Variants in PEX14 observed in about 807,000 individuals in gnomAD.
PEX14 encodes the protein peroxisomal biogenesis factor 14, also known as peroxisomal membrane protein PEX14.
Under a neutral mutation model 49.5 loss-of-function variants are expected in PEX14, and 15 were observed. The observed-to-expected ratio is 0.30, with a 90% CI of 0.20 to 0.47. The LOEUF (loss-of-function observed/expected upper bound fraction) is 0.47, where lower values mean the gene tolerates loss of function less well. PEX14 is among the 20% of genes least tolerant of loss of function. The probability of loss-of-function intolerance (pLI) is 1.00; values close to 1 mark genes in which losing one functional copy is unlikely to be tolerated. For synonymous variants in PEX14, 210 were observed against 212.7 expected, an observed-to-expected ratio of 0.99 and a Z score of 0.11; for missense variants, 398 against 494.8, an observed-to-expected ratio of 0.80 and a Z score of 1.86.
chr1:10,619,535 G>A (rs1641532053), intron 5 of PEX14, among the ~76,000 whole-genome samples: 3 of 151,922 alleles, frequency 2.0e-5, no homozygotes, highest in South Asian at 2.1e-4. Flanking sequence ...GGCCGGTCTC[G>A]AACTCCTGAC....
chr1:10,536,877 C>T (rs1218108426), intron 3 of PEX14, among the ~76,000 whole-genome samples: 1 of 152,150 alleles, frequency 6.6e-6, no homozygotes, highest in Non-Finnish European at 1.5e-5. Context: ...TGTTGGACTT[C>T]AGGGTATTTT....
At chr1:10,476,423 C>T (rs1291652356) in intron 1 of PEX14, among the ~76,000 whole-genome samples, 3 of 152,188 alleles carry the variant, frequency 2.0e-5, no homozygotes, top group African/African-American at 7.2e-5. Flanking sequence ...ACTAAGGCAT[C>T]TTGGGGTCTG....
At chr1:10,609,352 T>C (rs916982391) in intron 4 of PEX14, among the ~76,000 whole-genome samples, 1 of 152,212 alleles carries the variant, frequency 6.6e-6, no homozygotes, top group Non-Finnish European at 1.5e-5. Context: ...AATTAGCTTT[T>C]TGTAAGTATA....
At chr1:10,569,632 T>C (rs145647367) in intron 3 of PEX14, among the ~76,000 whole-genome samples, 128 of 152,322 alleles carry the variant, frequency 8.4e-4, no homozygotes, top group African/African-American at 2.8e-3. Context: ...CCTGAGAAGG[T>C]GTGCATGGGA....
chr1:10,477,377 G>T (rs1230236472), intron 1 of PEX14, among the ~76,000 whole-genome samples: 5 of 152,132 alleles, frequency 3.3e-5, no homozygotes, highest in African/African-American at 1.2e-4. Context: ...GCCAAAACTT[G>T]AACTTTTCAT....
chr1:10,607,883 A>G (rs1641168768), intron 4 of PEX14, among the ~76,000 whole-genome samples: 1 of 152,114 alleles, frequency 6.6e-6, no homozygotes, highest in East Asian at 1.9e-4. Flanking sequence ...TTTTGATGAC[A>G]TATATTTATC....
intron 3 of PEX14, among the ~76,000 whole-genome samples, chr1:10,575,304 A>G (rs941080886): frequency 2.0e-5 from 3 of 152,180 alleles, no homozygotes; most frequent in African/African-American, 7.2e-5. Flanking sequence ...GAATTTAAAA[A>G]CGCATAGTTG....
intron 1 of PEX14, among the ~76,000 whole-genome samples, chr1:10,477,673 T>A (rs937466031): frequency 6.6e-5 from 10 of 152,210 alleles, no homozygotes; most frequent in African/African-American, 2.2e-4. Context: ...GTGAATAACC[T>A]TCTCTTCCCT....
chr1:10,498,686 A>G (rs1488125058), intron 2 of PEX14, among the ~76,000 whole-genome samples: 3 of 152,190 alleles, frequency 2.0e-5, no homozygotes, highest in African/African-American at 7.2e-5. Flanking sequence ...ATTGCTCTCT[A>G]ATATCATGTC....
intron 4 of PEX14, among the ~76,000 whole-genome samples, chr1:10,612,256 A>G (rs1018646678): frequency 6.6e-6 from 1 of 152,214 alleles, no homozygotes; most frequent in South Asian, 2.1e-4. Flanking sequence ...TCCTTTCCCC[A>G]TAGAGCTACC....
chr1:10,532,632 A>G (rs1638681975), intron 2 of PEX14, among the ~76,000 whole-genome samples: 1 of 152,182 alleles, frequency 6.6e-6, no homozygotes, highest in Non-Finnish European at 1.5e-5. Context: ...AACATGTGCA[A>G]TAAAGTTCCT....
chr1:10,598,365 AGTCAGT>A (rs1225111310), intron 3 of PEX14, among the ~76,000 whole-genome samples: 2 of 152,206 alleles, frequency 1.3e-5, no homozygotes, highest in Non-Finnish European at 2.9e-5. Flanking sequence ...TCCTCCCAAG[AGTCAGT>A]GTCCCAAATT....
chr1:10,488,573 C>T (rs1188810232), intron 1 of PEX14, among the ~76,000 whole-genome samples: 1 of 151,848 alleles, frequency 6.6e-6, no homozygotes. Flanking sequence ...GACCTCGGTT[C>T]ACTGCAAGCT....
chr1:10,503,481 C>A (rs1641723880), intron 2 of PEX14, among the ~76,000 whole-genome samples: 1 of 151,402 alleles, frequency 6.6e-6, no homozygotes, highest in Admixed American at 6.6e-5. Flanking sequence ...AAGACGTGAT[C>A]TACAAAACTT....
chr1:10,528,985 A>G (rs1276401881), intron 2 of PEX14, among the ~76,000 whole-genome samples: 2 of 152,196 alleles, frequency 1.3e-5, no homozygotes, highest in East Asian at 1.9e-4. Flanking sequence ...ACTTCAAACA[A>G]TTTGCTGCCA....
At chr1:10,587,954 A>G (rs1384079240) in intron 3 of PEX14, among the ~76,000 whole-genome samples, 1 of 132,114 alleles carries the variant, frequency 7.6e-6, no homozygotes, top group Non-Finnish European at 1.5e-5. Flanking sequence ...GGCCAGGCAC[A>G]GTGGCTCATG....
intron 4 of PEX14, among the ~76,000 whole-genome samples, chr1:10,600,681 G>C (rs1043804325): frequency 6.6e-6 from 1 of 151,986 alleles, no homozygotes; most frequent in African/African-American, 2.4e-5. Flanking sequence ...TCACGCCGCT[G>C]CACTCCAGCC....
At chr1:10,499,183 A>T (rs1009847041) in intron 2 of PEX14, among the ~76,000 whole-genome samples, 5 of 152,274 alleles carry the variant, frequency 3.3e-5, no homozygotes, top group Non-Finnish European at 5.9e-5. Context: ...AGCAGTAAAT[A>T]AGGTTTGATT....
chr1:10,488,564 AC>A (rs1208668985), intron 1 of PEX14, among the ~76,000 whole-genome samples: 1 of 150,886 alleles, frequency 6.6e-6, no homozygotes. Context: ...CAGTGGCGTG[AC>A]CTCGGTTCAC....
Sources: allele counts gnomAD v4.1 joint callset (sites outside exome capture counted in the v4.1 genomes callset), GRCh38; gene constraint gnomAD v4.1.1; transcripts MANE v1.5; gene names NCBI Gene and HGNC (gene_info 2026-07-23, HGNC 2026-07-21).